AGBL4: variants seen among roughly 807,000 people sequenced by gnomAD.
AGBL4 encodes cytosolic carboxypeptidase 6.
AGBL4 carries 58 observed loss-of-function variants against 66.4 expected under a neutral mutation model. The ratio of observed to expected loss-of-function variants is 0.87; its 90% confidence interval spans 0.71 to 1.09. The LOEUF is 1.09. Among genes scored for constraint, AGBL4 ranks in the 50% least tolerant of loss-of-function variants. The pLI is 0.00. For missense variants in AGBL4, 579 were observed against 631.0 expected, an observed-to-expected ratio of 0.92 and a Z score of 0.88; for synonymous variants, 234 against 222.9, an observed-to-expected ratio of 1.05 and a Z score of -0.44.
chr1:49,499,923 A>G (rs1647979975), intron 3 of AGBL4, among the ~76,000 whole-genome samples: 1 of 152,028 alleles, frequency 6.6e-6, no homozygotes, highest in South Asian at 2.1e-4. Context: ...TGGTAGATCT[A>G]CTTTTCATTC....
intron 5 of AGBL4, among the ~76,000 whole-genome samples, chr1:48,971,793 T>A (rs1182418085): frequency 6.6e-6 from 1 of 152,180 alleles, no homozygotes. Context: ...CATTTTACTG[T>A]ACATAAACCT....
intron 3 of AGBL4, among the ~76,000 whole-genome samples, chr1:49,433,164 A>G (rs556525465): frequency 6.6e-6 from 1 of 152,232 alleles, no homozygotes; most frequent in South Asian, 2.1e-4. Flanking sequence ...TTTATAACAA[A>G]CTGGTAAAGG....
intron 6 of AGBL4, among the ~76,000 whole-genome samples, chr1:48,840,801 A>T (rs994533321): frequency 1.3e-5 from 2 of 152,224 alleles, no homozygotes; most frequent in African/African-American, 4.8e-5. Context: ...AAAAACCTGT[A>T]AAAGAATGTT....
intron 5 of AGBL4, among the ~76,000 whole-genome samples, chr1:48,944,725 G>T (rs1656315483): frequency 6.6e-6 from 1 of 151,952 alleles, no homozygotes; most frequent in Non-Finnish European, 1.5e-5. Flanking sequence ...ATACTGTCTT[G>T]CCCTTCCCCT....
intron 3 of AGBL4, among the ~76,000 whole-genome samples, chr1:49,622,490 G>A (rs1459598532): frequency 4.0e-5 from 6 of 150,044 alleles, no homozygotes; most frequent in African/African-American, 9.7e-5. Context: ...TTAGCCGGGC[G>A]TAGTGGCGGG....
At chr1:49,340,763 T>G (rs76895995) in intron 3 of AGBL4, among the ~76,000 whole-genome samples, 5 of 152,178 alleles carry the variant, frequency 3.3e-5, no homozygotes, top group African/African-American at 4.8e-5. Context: ...TCCAGAATGT[T>G]AGGCATTCTC....
At chr1:49,266,616 C>CACAT (rs1553174506) in intron 3 of AGBL4, among the ~76,000 whole-genome samples, 1 of 151,494 alleles carries the variant, frequency 6.6e-6, no homozygotes, top group Admixed American at 6.6e-5. Flanking sequence ...GTAACACACA[C>CACAT]ACACACACAC....
At chr1:49,121,375 C>T (rs774326108) in intron 4 of AGBL4, among the ~76,000 whole-genome samples, 7 of 152,260 alleles carry the variant, frequency 4.6e-5, no homozygotes, top group Admixed American at 6.5e-5. Flanking sequence ...ATGTTGGTGA[C>T]CTACAGATGA....
At chr1:48,561,264 T>C (rs1644392952) in intron 11 of AGBL4, among the ~76,000 whole-genome samples, 1 of 150,818 alleles carries the variant, frequency 6.6e-6, no homozygotes, top group Non-Finnish European at 1.5e-5. Flanking sequence ...CTTCCTTCCC[T>C]CCTTCCCTTC....
chr1:49,372,059 A>C (rs974795365), intron 3 of AGBL4, among the ~76,000 whole-genome samples: 21 of 152,108 alleles, frequency 1.4e-4, no homozygotes, highest in Non-Finnish European at 2.9e-4. Flanking sequence ...CCTATTTCAG[A>C]ATCTAGATTT....
rs77705450 is a variant in AGBL4 at position 48,603,553 on chromosome 1, C to T, written c.952-12568G>A. Among the ~76,000 whole-genome samples, 370 of 152,158 alleles carry T rather than the reference C, an allele frequency of 2.4e-3. 19 individuals are homozygous for T. The East Asian group carries it at 0.05, about 21-fold the overall frequency. ...GGGGTGAGGAAACAGACTAGAGAGG[C>T]TTCCAAAGACCCTTACATGGAAGGC... is the stretch of plus-strand genomic sequence containing the variant. On this transcript the variant is annotated intron_variant, in intron 9 of 13. Coordinates refer to ENST00000371839, the MANE Select transcript of AGBL4 (RefSeq NM_032785.4).
chr1:49,205,631 A>G (rs1426397434), intron 4 of AGBL4, among the ~76,000 whole-genome samples: 1 of 152,028 alleles, frequency 6.6e-6, no homozygotes, highest in South Asian at 2.1e-4. Flanking sequence ...AGCATATCCT[A>G]GTAGTATGAT....
intron 2 of AGBL4, among the ~76,000 whole-genome samples, chr1:49,757,505 G>T (rs1235703726): frequency 6.6e-6 from 1 of 152,190 alleles, no homozygotes; most frequent in Non-Finnish European, 1.5e-5. Context: ...TCAGAAGACA[G>T]TAAGAAGTGG....
At chr1:49,715,689 T>A (rs1648063099) in intron 2 of AGBL4, among the ~76,000 whole-genome samples, 1 of 152,192 alleles carries the variant, frequency 6.6e-6, no homozygotes. Flanking sequence ...TGGTTTTGAT[T>A]TGTATTTCTC....
chr1:49,864,957 C>A (rs1027832065), intron 1 of AGBL4, among the ~76,000 whole-genome samples: 1 of 152,200 alleles, frequency 6.6e-6, no homozygotes, highest in African/African-American at 2.4e-5. Flanking sequence ...AGGAGGAATT[C>A]TCCACAGCTC....
intron 4 of AGBL4, among the ~76,000 whole-genome samples, chr1:49,148,580 T>A: frequency 6.6e-6 from 1 of 152,144 alleles, no homozygotes; most frequent in East Asian, 1.9e-4. Flanking sequence ...TATGTCCTTC[T>A]TTAGTACCTG....
At chr1:49,052,115 A>T (rs1197929868) in intron 4 of AGBL4, among the ~76,000 whole-genome samples, 12 of 149,098 alleles carry the variant, frequency 8.0e-5, no homozygotes, top group African/African-American at 3.0e-4. Flanking sequence ...CCTTCTGGAG[A>T]AGGACACCCA....
intron 3 of AGBL4, among the ~76,000 whole-genome samples, chr1:49,367,108 A>C (rs1032648080): frequency 6.6e-6 from 1 of 152,186 alleles, no homozygotes; most frequent in Non-Finnish European, 1.5e-5. Flanking sequence ...TGACTAATGA[A>C]ACAAACAAAC....
At chr1:48,714,560 C>T (rs1570330249) in intron 6 of AGBL4, among the ~76,000 whole-genome samples, 1 of 152,220 alleles carries the variant, frequency 6.6e-6, no homozygotes, top group Non-Finnish European at 1.5e-5. Flanking sequence ...ACTATTAAGC[C>T]CCCTCGTTTC....
Sources: gnomAD v4.1 joint callset for allele counts (sites outside exome capture counted in the v4.1 genomes callset) on GRCh38, gnomAD v4.1.1 for gene constraint, MANE v1.5 for transcripts, NCBI Gene and HGNC (gene_info 2026-07-23, HGNC 2026-07-21) for gene names.